Variants in FAM91A1 observed in about 807,000 individuals in gnomAD.
The protein encoded by FAM91A1 is family with sequence similarity 91 member A1.
In FAM91A1, 41 loss-of-function variants were observed where a neutral mutation model predicts 113.5. The ratio of observed to expected loss-of-function variants is 0.36; its 90% CI spans 0.28 to 0.47. The LOEUF is 0.47. Among genes scored for constraint, FAM91A1 ranks in the 20% least tolerant of loss-of-function variants. FAM91A1 has a pLI of 1.00. For missense variants in FAM91A1, 696 were observed against 1,001.2 expected, an observed-to-expected ratio of 0.70 and a Z score of 4.11; for synonymous variants, 307 against 347.9, an observed-to-expected ratio of 0.88 and a Z score of 1.31.
chr8:123,788,092 A>G, intron 14 of FAM91A1: 1 of 723,916 alleles, frequency 1.4e-6, no homozygotes, highest in South Asian at 6.2e-5. Flanking sequence ...ATGACTCTCT[A>G]AGATCACCTC....
intron 8 of FAM91A1, 111 bp downstream of exon 8, chr8:123,780,653 T>C: frequency 1.2e-6 from 1 of 805,050 alleles, no homozygotes; most frequent in East Asian, 2.9e-5. Context: ...AGAAAAATAT[T>C]GCTTCGTTAT....
intron 20 of FAM91A1, among the ~76,000 whole-genome samples, chr8:123,807,983 A>G (rs1035563226): frequency 1.3e-5 from 2 of 152,170 alleles, no homozygotes; most frequent in African/African-American, 4.8e-5. Flanking sequence ...TCTCAATCTC[A>G]GCACTATGTG....
intron 20 of FAM91A1, 39 bp from the exon 21 acceptor site, chr8:123,808,233 G>T: frequency 6.5e-7 from 1 of 1,542,978 alleles, no homozygotes; most frequent in South Asian, 1.1e-5. Context: ...TCTGCTAACT[G>T]CTAGAATCCT....
chr8:123,812,479 A>C, intron 23 of FAM91A1, 40 bp from the exon 24 acceptor site: 1 of 1,516,888 alleles, frequency 6.6e-7, no homozygotes, highest in Non-Finnish European at 8.8e-7. Flanking sequence ...GGTTTTGGTA[A>C]AGTGTTGAAT....
rs1815573025 is a variant in FAM91A1 at position 123,797,995 on chromosome 8, T to G, written c.1412-95T>G. ...GTTACTTTACCTTAAAAAGAAAATT[T>G]AAAATCTTAAGTCAGTTATCAATAT... On this transcript the variant is annotated intron_variant, in intron 15 of 23. Coordinates refer to ENST00000334705, the MANE Select transcript of FAM91A1 (RefSeq NM_144963.4). The G allele has an allele frequency of 2.2e-6, 3 of 1,392,638 alleles. No individual in the cohort carries two copies. In the African/African-American group the frequency reaches 4.4e-5, roughly 20 times the overall value. 86.3% of individuals were successfully genotyped at this position (1,392,638 alleles called of 1,614,324 possible). A position where few individuals can be genotyped will look rare whatever the true frequency, so the allele number is the denominator to read the frequency against.
chr8:123,784,475 C>A lies in FAM91A1; in HGVS notation c.709C>A (p.Pro237Thr). Residue 237 changes from proline (P) to threonine (T), a missense_variant, in exon 9 of 24, where the codon CCT (proline) becomes ACT (threonine). Pro to Thr is a conservative substitution (Grantham distance 38). Coordinates refer to ENST00000334705, the MANE Select transcript of FAM91A1 (RefSeq NM_144963.4). ...ISDDSCIAVP[P>T]LEGFVMNRVQ... ...ATCTCTTCTGTTTGTTTTAGTTCCA[C>A]CTCTTGAAGGTTTTGTAATGAATCG... The A allele has an allele frequency of 6.3e-7, 1 of 1,598,366 alleles. No homozygotes were observed. Among genetic ancestry groups the A allele is most frequent in the Non-Finnish European group, 8.5e-7 (1 of 1,173,780 alleles).
At chr8:123,801,165 T>C (rs915395470) in intron 18 of FAM91A1, among the ~76,000 whole-genome samples, 1 of 152,214 alleles carries the variant, frequency 6.6e-6, no homozygotes, top group Non-Finnish European at 1.5e-5. Flanking sequence ...TTATGTGGCT[T>C]TTTGATGATA....
At chr8:123,800,590 C>G (rs1010487781) in intron 18 of FAM91A1, among the ~76,000 whole-genome samples, 1 of 152,102 alleles carries the variant, frequency 6.6e-6, no homozygotes, top group African/African-American at 2.4e-5. Flanking sequence ...TATGTACAGC[C>G]ATCACCACAC....
intron 8 of FAM91A1, 148 bp downstream of exon 8, chr8:123,780,690 T>G: frequency 1.7e-6 from 1 of 594,704 alleles, no homozygotes; most frequent in Non-Finnish European, 2.8e-6. Flanking sequence ...ACATTGGTTT[T>G]ACTTAAATTC....
chr8:123,810,373 A>G (rs539182108), intron 23 of FAM91A1, 22 bp downstream of exon 23: 3 of 1,608,328 alleles, frequency 1.9e-6, no homozygotes, highest in African/African-American at 1.3e-5. Flanking sequence ...CAAAAAGTCC[A>G]AATGGTACTT....
chr8:123,808,014 T>C (rs1815853013), intron 20 of FAM91A1, among the ~76,000 whole-genome samples: 1 of 152,218 alleles, frequency 6.6e-6, no homozygotes, highest in South Asian at 2.1e-4. Flanking sequence ...TGGCTAATTC[T>C]TTTCTGTGGA....
Position 123,777,923 on chromosome 8 carries a change from G to C in FAM91A1, c.368-102G>C. ...TGATATTGATATTTGACTAGTAATT[G>C]AAAGATGAAAATAAGCTCGGGTTTT... On this transcript the variant is annotated intron_variant, in intron 4 of 23. Transcript: ENST00000334705. The C allele has an allele frequency of 7.5e-6, 7 of 935,012 alleles. No individual in the cohort carries two copies. The South Asian group carries it at 1.1e-4, about 15-fold the overall frequency. 57.9% of individuals were successfully genotyped at this position (935,012 alleles called of 1,614,324 possible). A position where few individuals can be genotyped will look rare whatever the true frequency, so the allele number is the denominator to read the frequency against.
rs1359031664 is a variant in FAM91A1, at chr8:123,778,704, C to T, written c.481C>T (p.Pro161Ser). The change falls in exon 6 of 24, where the codon CCA becomes TCA. Residue 161 changes from proline to serine, a missense_variant. By Grantham distance (74) the Pro-to-Ser change is moderately conservative. Transcript: ENST00000334705. Reference protein sequence around the residue: ...KTARDLLPIKPVEIAIEAWWV... With the variant: ...KTARDLLPIKSVEIAIEAWWV... The stretch of plus-strand genomic sequence containing the variant: ...AGCCCGTGATCTTCTACCAATAAAG[C>T]CAGTGGAAATTGCCATAGAGGCGTG... The T allele has an allele frequency of 6.2e-7, 1 of 1,609,790 alleles. No homozygotes were observed. Among genetic ancestry groups the T allele is most frequent in the Non-Finnish European group, 8.5e-7 (1 of 1,178,622 alleles).
chr8:123,792,866 G>A (rs1425008538), intron 15 of FAM91A1, among the ~76,000 whole-genome samples: 1 of 152,096 alleles, frequency 6.6e-6, no homozygotes, highest in African/African-American at 2.4e-5. Context: ...CCTATGACAA[G>A]GTCAGAAACA....
At chr8:123,801,819 T>G (rs1815688947) in intron 18 of FAM91A1, among the ~76,000 whole-genome samples, 2 of 152,174 alleles carry the variant, frequency 1.3e-5, no homozygotes, top group South Asian at 4.1e-4. Flanking sequence ...TTTTTCTTTT[T>G]TCTTTGCTGC....
At chr8:123,775,777 C>T (rs1266106249) in intron 3 of FAM91A1, among the ~76,000 whole-genome samples, 9 of 151,940 alleles carry the variant, frequency 5.9e-5, no homozygotes, top group Non-Finnish European at 1.2e-4. Flanking sequence ...CCATCCTGGC[C>T]AACATGGTGA....
At chr8:123,798,740 C>T (rs961145801) in intron 16 of FAM91A1, among the ~76,000 whole-genome samples, 3 of 152,088 alleles carry the variant, frequency 2.0e-5, no homozygotes, top group Admixed American at 1.3e-4. Flanking sequence ...GTGGCCTGTG[C>T]CATTTTCAGA....
At chr8:123,810,130 T>C in intron 22 of FAM91A1, 152 bp from the exon 23 acceptor site, 1 of 680,546 alleles carries the variant, frequency 1.5e-6, no homozygotes. Flanking sequence ...AAAAATTTCA[T>C]TGATGAGAAA....
At chr8:123,773,292 T>C (rs541608296) in intron 1 of FAM91A1, among the ~76,000 whole-genome samples, 2 of 152,258 alleles carry the variant, frequency 1.3e-5, no homozygotes, top group African/African-American at 2.4e-5. Flanking sequence ...CTCTGATCTT[T>C]CTGTCATTAC....
Sources: allele counts gnomAD v4.1 joint callset (sites outside exome capture counted in the v4.1 genomes callset), GRCh38; gene constraint gnomAD v4.1.1; transcripts MANE v1.5; gene names NCBI Gene and HGNC (gene_info 2026-07-23, HGNC 2026-07-21).